Variants in DLGAP1 observed in about 807,000 individuals in gnomAD.
DLGAP1 encodes DLG associated protein 1, also known as disks large-associated protein 1.
A neutral mutation model predicts 90.8 loss-of-function variants in DLGAP1; 11 were observed. The observed-to-expected ratio is 0.12, with a 90% CI of 0.08 to 0.20. The LOEUF is 0.20. DLGAP1 is among the 10% of genes least tolerant of loss of function. The pLI is 1.00. For missense variants in DLGAP1, 1,050 were observed against 1,333.8 expected, an observed-to-expected ratio of 0.79 and a Z score of 3.31; for synonymous variants, 558 against 540.7, an observed-to-expected ratio of 1.03 and a Z score of -0.44.
intron 5 of DLGAP1, among the ~76,000 whole-genome samples, chr18:3,805,118 G>T (rs142677491): frequency 6.6e-6 from 1 of 152,178 alleles, no homozygotes; most frequent in African/African-American, 2.4e-5. Context: ...TAATGATGGC[G>T]ATAGCTAACA....
chr18:4,086,438 T>C (rs1374123942), intron 2 of DLGAP1, among the ~76,000 whole-genome samples: 1 of 152,186 alleles, frequency 6.6e-6, no homozygotes, highest in Non-Finnish European at 1.5e-5. Context: ...CATCAGCATA[T>C]AATGCTATAA....
At position 3,534,765 on chromosome 18, in the gene DLGAP1, C is replaced by T. The variant is rs551074453; in HGVS notation, c.2058-150G>A. 9.8e-6 allele frequency: 7 copies of T among 714,210 alleles called. No individual in the cohort carries two copies. In the South Asian group the frequency reaches 1.3e-4, roughly 13 times the overall value. 44.2% of individuals were successfully genotyped at this position (714,210 alleles called of 1,614,324 possible). A position where few individuals can be genotyped will look rare whatever the true frequency, so the allele number is the denominator to read the frequency against. ...GAGTGCAAGTGGCGTGATCTCGGCT[C>T]ACAGCAACCTCCACCTCCCAGGTTC... On this transcript the variant is annotated intron_variant, in intron 9 of 12. Coordinates refer to ENST00000315677, the MANE Select transcript of DLGAP1 (RefSeq NM_004746.4).
At chr18:3,771,306 C>G (rs950659156) in intron 5 of DLGAP1, 1 of 152,372 alleles carries the variant, frequency 6.6e-6, no homozygotes, top group African/African-American at 2.4e-5. Context: ...TTCCTCTTCT[C>G]TGGGTCTTTA....
intron 7 of DLGAP1, among the ~76,000 whole-genome samples, chr18:3,649,211 C>T (rs1326134755): frequency 1.3e-5 from 2 of 152,138 alleles, no homozygotes; most frequent in East Asian, 1.9e-4. Flanking sequence ...TTGTTTGTTG[C>T]CTGAAAACCT....
chr18:4,380,545 T>C (rs78254253), intron 1 of DLGAP1, among the ~76,000 whole-genome samples: 2,914 of 152,292 alleles, frequency 0.019, 60 homozygotes, highest in African/African-American at 0.049. Flanking sequence ...GTTACTTCTA[T>C]ACATGCTCCC....
At chr18:3,904,260 A>C (rs1568291284) in intron 3 of DLGAP1, among the ~76,000 whole-genome samples, 1 of 152,374 alleles carries the variant, frequency 6.6e-6, no homozygotes, top group East Asian at 1.9e-4. Flanking sequence ...ACTGCTCCAC[A>C]GCCCACCAAG....
At chr18:3,818,884 G>A (rs1242093286) in intron 4 of DLGAP1, among the ~76,000 whole-genome samples, 2 of 151,364 alleles carry the variant, frequency 1.3e-5, no homozygotes, top group South Asian at 2.1e-4. Context: ...GTGAGCCACC[G>A]TGCCCAGCCA....
chr18:4,226,889 A>C (rs1221370925), intron 1 of DLGAP1, among the ~76,000 whole-genome samples: 3 of 151,982 alleles, frequency 2.0e-5, no homozygotes, highest in Non-Finnish European at 4.4e-5. Context: ...AAATGGACTA[A>C]ACTCTCCCAT....
intron 4 of DLGAP1, among the ~76,000 whole-genome samples, chr18:3,836,923 T>C (rs2068420681): frequency 6.6e-6 from 1 of 152,170 alleles, no homozygotes; most frequent in Non-Finnish European, 1.5e-5. Context: ...TCTGTAAAAG[T>C]GATAAATACA....
At chr18:3,515,204 C>T (rs1281402935) in intron 10 of DLGAP1, among the ~76,000 whole-genome samples, 2 of 152,174 alleles carry the variant, frequency 1.3e-5, no homozygotes, top group Non-Finnish European at 2.9e-5. Flanking sequence ...GGCGCGGTGG[C>T]TCACGCCTGT....
At chr18:3,566,192 T>C (rs949939362) in intron 9 of DLGAP1, among the ~76,000 whole-genome samples, 4 of 152,142 alleles carry the variant, frequency 2.6e-5, no homozygotes, top group East Asian at 3.9e-4. Context: ...TTACCTTTCA[T>C]TGAGTAATTT....
rs2063091141 is a variant in DLGAP1 at position 3,742,347 on chromosome 18, G to A, written c.1338C>T (p.Ser446=). 2 of 1,613,708 alleles carry A rather than the reference G, an allele frequency of 1.2e-6. No homozygotes were observed. The highest frequency in any genetic ancestry group is 8.5e-7 in the Non-Finnish European group (1 of 1,179,724). The change falls in exon 6 of 13, where the codon AGC becomes AGT. Residue 446 remains serine, a synonymous_variant. Transcript: ENST00000315677. The stretch of plus-strand genomic sequence containing the variant: ...TGACGGCCCTCACCTGGCTGATGGT[G>A]CTCATGGCTCGCATGTAGCTCTCAT... The part of the protein sequence containing the change: ...SRNESYMRAM[S]TISQVSEMEV...
intron 2 of DLGAP1, among the ~76,000 whole-genome samples, chr18:4,137,718 A>G (rs1382042129): frequency 1.3e-5 from 2 of 152,170 alleles, no homozygotes; most frequent in Non-Finnish European, 2.9e-5. Context: ...TGCTTTGGAT[A>G]GTATGGACAT....
intron 1 of DLGAP1, among the ~76,000 whole-genome samples, chr18:4,203,954 G>A (rs1012647911): frequency 6.6e-6 from 1 of 152,186 alleles, no homozygotes; most frequent in Non-Finnish European, 1.5e-5. Flanking sequence ...TTTTCAAAAT[G>A]CTTTCCTGGT....
intron 1 of DLGAP1, among the ~76,000 whole-genome samples, chr18:4,430,068 G>A (rs2083251012): frequency 6.6e-6 from 1 of 152,142 alleles, no homozygotes; most frequent in South Asian, 2.1e-4. Flanking sequence ...GTGAAAGAAA[G>A]ACAACAAAGT....
chr18:3,645,098 T>A (rs1282560193), intron 7 of DLGAP1, among the ~76,000 whole-genome samples: 1 of 152,096 alleles, frequency 6.6e-6, no homozygotes, highest in Non-Finnish European at 1.5e-5. Context: ...GTATTTTAAT[T>A]TTTTTGTTTT....
At position 4,190,261 on chromosome 18, in the gene DLGAP1, TTAA is replaced by T. The variant is rs150717859; in HGVS notation, c.-266-38977_-266-38975del. Reference sequence around the variant, plus strand: ...TATTATGAAGTGGAAGAAGGAAGTCTTAATAAGCTACATGGTATATAATTTCAA... The same window carrying T: ...TATTATGAAGTGGAAGAAGGAAGTCTTAAGCTACATGGTATATAATTTCAA... On this transcript the variant is annotated intron_variant, in intron 1 of 12. Transcript: ENST00000315677. Among the ~76,000 whole-genome samples, 247 of 152,248 alleles carry T rather than the reference TTAA, an allele frequency of 1.6e-3. 2 individuals are homozygous for T. Among genetic ancestry groups the T allele is most frequent in the African/African-American group, 5.7e-3 (238 of 41,568 alleles).
At chr18:4,076,381 G>C (rs2075523359) in intron 2 of DLGAP1, among the ~76,000 whole-genome samples, 1 of 152,018 alleles carries the variant, frequency 6.6e-6, no homozygotes, top group Non-Finnish European at 1.5e-5. Flanking sequence ...TTTATGTATG[G>C]AATTGACTAA....
chr18:4,077,918 A>G (rs2075548194), intron 2 of DLGAP1, among the ~76,000 whole-genome samples: 2 of 152,294 alleles, frequency 1.3e-5, no homozygotes, highest in Non-Finnish European at 2.9e-5. Flanking sequence ...GAACCATAGA[A>G]AGTGCCAGTT....
Sources: gnomAD v4.1 joint callset for allele counts (sites outside exome capture counted in the v4.1 genomes callset) on GRCh38, gnomAD v4.1.1 for gene constraint, MANE v1.5 for transcripts, NCBI Gene and HGNC (gene_info 2026-07-23, HGNC 2026-07-21) for gene names.